AKAP10: variants seen among roughly 807,000 people sequenced by gnomAD.
The protein encoded by AKAP10 is A-kinase anchor protein 10, mitochondrial.
Under a neutral mutation model 80.8 loss-of-function variants are expected in AKAP10, and 24 were observed. The observed-to-expected ratio is 0.30, with a 90% CI of 0.22 to 0.42. The LOEUF is 0.42. Ranked by LOEUF, AKAP10 falls within the 10% of genes least tolerant of loss-of-function variation. The pLI is 1.00. For missense variants in AKAP10, 661 were observed against 794.9 expected (o/e 0.83, Z 2.03); for synonymous variants, 291 against 277.7 (o/e 1.05, Z -0.48).
rs542771184 is a variant in AKAP10, at chr17:19,941,047, C to T, written c.1062-37G>A. 9.5e-6 allele frequency: 15 copies of T among 1,579,866 alleles called. No individual in the cohort carries two copies. The South Asian group carries it at 1.5e-4, about 16-fold the overall frequency. ...CAAAAGGGAAAATTTGAGGGAACGA[C>T]CAAGGAAAGAGTTTAAGTGGGAAAA... On this transcript the variant is annotated intron_variant, in intron 6 of 14. Coordinates refer to ENST00000225737, the MANE Select transcript of AKAP10 (RefSeq NM_007202.4).
rs61148312 is a variant in AKAP10 at position 19,920,855 on chromosome 17, C to CAA, written c.1752-739_1752-738dup. 5.2e-3 allele frequency among the ~76,000 whole-genome samples: 184 copies of CAA among 35,322 alleles called. 9 individuals are homozygous for CAA. Among genetic ancestry groups the CAA allele is most frequent in the African/African-American group, 0.012 (102 of 8,604 alleles). The allele number at this position is 35,322 out of a possible 152,430, so 23.2% of individuals were successfully genotyped here. A position where few individuals can be genotyped will look rare whatever the true frequency, so the allele number is the denominator to read the frequency against. ...TGGGCAACAGAGCAAGACTCTATCTCAAAAAAAAAAAAAAAAAAAAAAAAA... is the reference window on the plus strand; with the variant it reads ...TGGGCAACAGAGCAAGACTCTATCTCAAAAAAAAAAAAAAAAAAAAAAAAAAA... On this transcript the variant is annotated intron_variant, in intron 11 of 14. Transcript: ENST00000225737.
At chr17:19,952,809 T>C (rs1597516951) in intron 4 of AKAP10, among the ~76,000 whole-genome samples, 1 of 151,622 alleles carries the variant, frequency 6.6e-6, no homozygotes, top group African/African-American at 2.4e-5. Context: ...GAAAGTAAAA[T>C]TGGAAAAAAA....
At chr17:19,936,665 C>T (rs780429212) in intron 8 of AKAP10, among the ~76,000 whole-genome samples, 1 of 152,080 alleles carries the variant, frequency 6.6e-6, no homozygotes, top group Non-Finnish European at 1.5e-5. Flanking sequence ...TAGTTCTTGA[C>T]GGTGAACTCT....
intron 12 of AKAP10, among the ~76,000 whole-genome samples, chr17:19,916,631 C>T (rs200099716): frequency 2.7e-5 from 4 of 150,550 alleles, no homozygotes; most frequent in Non-Finnish European, 5.9e-5. Context: ...AGGTATGAGA[C>T]CAGATTAAAA....
chr17:19,952,075 AAC>A (rs562628495), intron 4 of AKAP10, among the ~76,000 whole-genome samples: 200 of 151,548 alleles, frequency 1.3e-3, no homozygotes, highest in Non-Finnish European at 2.3e-3. Flanking sequence ...ACCCCAGTGC[AAC>A]AGTTACATTT....
At chr17:19,959,366 T>C (rs2043321763) in intron 3 of AKAP10, among the ~76,000 whole-genome samples, 1 of 152,166 alleles carries the variant, frequency 6.6e-6, no homozygotes, top group African/African-American at 2.4e-5. Context: ...TCGCTGGTCA[T>C]GAGGATGTAA....
At chr17:19,933,830 C>A (rs2042964173) in intron 9 of AKAP10, among the ~76,000 whole-genome samples, 1 of 152,148 alleles carries the variant, frequency 6.6e-6, no homozygotes, top group Non-Finnish European at 1.5e-5. Flanking sequence ...GCAACATAAC[C>A]TCACTGGCTC....
At chr17:19,921,656 T>A (rs1306529849) in intron 11 of AKAP10, among the ~76,000 whole-genome samples, 1 of 151,692 alleles carries the variant, frequency 6.6e-6, no homozygotes, top group Non-Finnish European at 1.5e-5. Flanking sequence ...GGCAACATAG[T>A]GAGACTTCAT....
chr17:19,943,385 G>A (rs2043069934), intron 5 of AKAP10, among the ~76,000 whole-genome samples: 1 of 152,170 alleles, frequency 6.6e-6, no homozygotes, highest in Non-Finnish European at 1.5e-5. Context: ...GGGGGCTGAA[G>A]GTTGAGCTGA....
intron 2 of AKAP10, among the ~76,000 whole-genome samples, chr17:19,963,679 G>T (rs534553204): frequency 6.6e-6 from 1 of 152,078 alleles, no homozygotes; most frequent in African/African-American, 2.4e-5. Flanking sequence ...TGGATCACCT[G>T]AGGTCAGGAG....
At chr17:19,947,981 G>A (rs1455146763) in intron 4 of AKAP10, among the ~76,000 whole-genome samples, 10 of 136,316 alleles carry the variant, frequency 7.3e-5, no homozygotes, top group East Asian at 4.0e-4. Flanking sequence ...GTGAGACTCC[G>A]TCTCAAAAAA....
intron 2 of AKAP10, among the ~76,000 whole-genome samples, chr17:19,963,687 G>T (rs1448629213): frequency 6.6e-6 from 1 of 152,034 alleles, no homozygotes; most frequent in Non-Finnish European, 1.5e-5. Context: ...CTGAGGTCAG[G>T]AGTTCAAGAC....
rs368067942 is a variant in AKAP10 at position 19,967,745 on chromosome 17, T to C, written c.136+669A>G. 5.8e-4 allele frequency among the ~76,000 whole-genome samples: 88 copies of C among 152,056 alleles called. No individual in the cohort carries two copies. In the South Asian group the frequency reaches 8.5e-3, roughly 15 times the overall value. ...TAAAAATACAAAAATTAGCTGGGCA[T>C]GGTGGCGGCCACCTGTAATCCCAGC... On this transcript the variant is annotated intron_variant, in intron 2 of 14. Transcript: ENST00000225737.
intron 3 of AKAP10, among the ~76,000 whole-genome samples, chr17:19,961,868 C>A (rs1272381296): frequency 6.6e-6 from 1 of 152,130 alleles, no homozygotes; most frequent in Non-Finnish European, 1.5e-5. Context: ...GTAATCCCAG[C>A]ACTTTGGGAG....
chr17:19,975,814 T>C (rs1160921753), intron 1 of AKAP10, among the ~76,000 whole-genome samples: 1 of 152,130 alleles, frequency 6.6e-6, no homozygotes, highest in Non-Finnish European at 1.5e-5. Context: ...AACAGTCTCT[T>C]GTGCAATATG....
intron 2 of AKAP10, among the ~76,000 whole-genome samples, chr17:19,966,892 A>C (rs1047269346): frequency 2.0e-5 from 3 of 152,072 alleles, no homozygotes; most frequent in Middle Eastern, 3.2e-3. Context: ...TATCACTGCC[A>C]ATCAAGTTTT....
chr17:19,962,261 AACATACATACAT>A (rs59111461), intron 3 of AKAP10, among the ~76,000 whole-genome samples: 10 of 150,586 alleles, frequency 6.6e-5, no homozygotes, highest in South Asian at 2.1e-4. Flanking sequence ...AATAGCCTTC[AACATACATACAT>A]ACATACATAC....
rs1340061597 is a variant in AKAP10 at position 19,938,921 on chromosome 17, C to T, written c.1322+792G>A. ...CTAATTTTTGTATTTTTAGTAAAGG[C>T]GGGTTTTGCCATGTTGCCCAGGCTG... On this transcript the variant is annotated intron_variant, in intron 8 of 14. Coordinates refer to ENST00000225737, the MANE Select transcript of AKAP10 (RefSeq NM_007202.4). Among the ~76,000 whole-genome samples, 4 of 151,644 alleles carry T rather than the reference C, an allele frequency of 2.6e-5. No homozygotes were observed. In the East Asian group the frequency reaches 7.8e-4, roughly 30 times the overall value.
At chr17:19,943,244 T>C (rs917903456) in intron 5 of AKAP10, among the ~76,000 whole-genome samples, 2 of 152,290 alleles carry the variant, frequency 1.3e-5, no homozygotes, top group African/African-American at 2.4e-5. Flanking sequence ...CTGGATTCTT[T>C]TGAAGGCTAA....
Sources: gnomAD v4.1 joint callset for allele counts (sites outside exome capture counted in the v4.1 genomes callset) on GRCh38, gnomAD v4.1.1 for gene constraint, MANE v1.5 for transcripts, NCBI Gene and HGNC (gene_info 2026-07-23, HGNC 2026-07-21) for gene names.